Variants in MXI1 observed in about 807,000 individuals in gnomAD.
The protein encoded by MXI1 is max-interacting protein 1.
Under a neutral mutation model 36.9 loss-of-function variants are expected in MXI1, and 18 were observed. The ratio of observed to expected loss-of-function variants is 0.49; its 90% CI spans 0.34 to 0.72. The LOEUF (loss-of-function observed/expected upper bound fraction) is 0.72, where lower values mean the gene tolerates loss of function less well. Among genes scored for constraint, MXI1 ranks in the 30% least tolerant of loss-of-function variants. MXI1 has a pLI of 0.01. For synonymous variants in MXI1, 160 were observed against 146.7 expected, an observed-to-expected ratio of 1.09 and a Z score of -0.65; for missense variants, 304 against 379.1, an observed-to-expected ratio of 0.80 and a Z score of 1.64.
intron 2 of MXI1, among the ~76,000 whole-genome samples, chr10:110,233,871 T>C (rs370672854): frequency 6.6e-6 from 1 of 152,172 alleles, no homozygotes; most frequent in African/African-American, 2.4e-5. Context: ...TGAAGGAAAC[T>C]TGTATGATCA....
intron 1 of MXI1, among the ~76,000 whole-genome samples, chr10:110,215,612 CCTGGTTTA>C (rs1036539404): frequency 6.6e-5 from 10 of 152,224 alleles, no homozygotes; most frequent in Admixed American, 1.3e-4. Context: ...AATTTTCAAA[CCTGGTTTA>C]CTGATCCCAG....
chr10:110,265,164 G>C lies in MXI1; in HGVS notation c.438-14016G>C, dbSNP rs146232281. On this transcript the variant is annotated intron_variant, in intron 3 of 5. Transcript: ENST00000332674. Reference sequence around the variant, plus strand: ...ACGGAGGAGTTAGATGCTAGTACAGGCCCAACATTGGTTAGGAATAAATAA... The same window carrying C: ...ACGGAGGAGTTAGATGCTAGTACAGCCCCAACATTGGTTAGGAATAAATAA... 5.2e-3 allele frequency among the ~76,000 whole-genome samples: 798 copies of C among 152,234 alleles called. 1 individual carries two copies. Among genetic ancestry groups the C allele is most frequent in the African/African-American group, 0.017 (719 of 41,538 alleles).
At chr10:110,245,199 A>C (rs972230184) in intron 3 of MXI1, among the ~76,000 whole-genome samples, 2 of 152,162 alleles carry the variant, frequency 1.3e-5, no homozygotes, top group East Asian at 3.8e-4. Flanking sequence ...TAAGCATTAC[A>C]AATTGGAGGG....
chr10:110,258,523 T>C (rs1477580041), intron 3 of MXI1, among the ~76,000 whole-genome samples: 1 of 152,194 alleles, frequency 6.6e-6, no homozygotes, highest in African/African-American at 2.4e-5. Context: ...AACAGTATCA[T>C]TTATCAGAGA....
At chr10:110,248,644 TC>T (rs970919073) in intron 3 of MXI1, among the ~76,000 whole-genome samples, 6 of 152,118 alleles carry the variant, frequency 3.9e-5, no homozygotes, top group Non-Finnish European at 8.8e-5. Context: ...AGGCATGATT[TC>T]CTCATCATCT....
At chr10:110,211,299 C>T (rs187435117) in intron 1 of MXI1, among the ~76,000 whole-genome samples, 21 of 152,324 alleles carry the variant, frequency 1.4e-4, no homozygotes, top group Middle Eastern at 3.4e-3. Flanking sequence ...AGCCAATCGG[C>T]AGCTCCAGCC....
intron 1 of MXI1, among the ~76,000 whole-genome samples, chr10:110,208,997 C>A (rs1854437488): frequency 1.4e-5 from 2 of 140,080 alleles, no homozygotes. Flanking sequence ...CTACTCCCCC[C>A]ACCCGCCCAC....
chr10:110,236,253 T>G (rs949956278), intron 2 of MXI1, among the ~76,000 whole-genome samples: 1 of 145,130 alleles, frequency 6.9e-6, no homozygotes, highest in African/African-American at 2.5e-5. Flanking sequence ...TGAAAATCAG[T>G]TGACCACAGA....
Position 110,285,896 on chromosome 10 carries a change from CTG to C in MXI1, c.*911_*912del, listed in dbSNP as rs1205656214. The C allele has an allele frequency of 6.6e-6, 1 of 152,504 alleles. No individual in the cohort carries two copies. The highest frequency in any genetic ancestry group is 1.5e-5 in the Non-Finnish European group (1 of 68,016). 9.4% of individuals were successfully genotyped at this position (152,504 alleles called of 1,614,324 possible). On this transcript the variant is annotated 3_prime_UTR_variant, in exon 6 of 6. Coordinates refer to ENST00000332674, the MANE Select transcript of MXI1 (RefSeq NM_130439.3). ...GCATTTTTATTTCAGATTTTGATAA[CTG>C]TTTATATGTGTTGAAAACCAAAATG... is the stretch of plus-strand genomic sequence containing the variant.
chr10:110,262,889 T>G (rs904282629), intron 3 of MXI1, among the ~76,000 whole-genome samples: 10 of 152,168 alleles, frequency 6.6e-5, no homozygotes, highest in African/African-American at 2.4e-4. Context: ...GTTTCCTGAT[T>G]ATCCAAACTG....
chr10:110,233,532 T>C (rs1023367103), intron 2 of MXI1, among the ~76,000 whole-genome samples: 19 of 152,214 alleles, frequency 1.2e-4, no homozygotes, highest in African/African-American at 4.1e-4. Flanking sequence ...GTTTTTCAAA[T>C]TTTTTTATAT....
chr10:110,216,964 G>A (rs1156555882), intron 1 of MXI1, among the ~76,000 whole-genome samples: 5 of 152,078 alleles, frequency 3.3e-5, no homozygotes, highest in East Asian at 1.9e-4. Flanking sequence ...CACCGTGCCC[G>A]GCCTACAATC....
chr10:110,223,442 GT>G (rs1313054888), intron 1 of MXI1, among the ~76,000 whole-genome samples: 1 of 152,020 alleles, frequency 6.6e-6, no homozygotes, highest in Non-Finnish European at 1.5e-5. Flanking sequence ...TTAGCTGGGC[GT>G]GGTGGCAGGC....
intron 5 of MXI1, among the ~76,000 whole-genome samples, chr10:110,282,305 GT>G: frequency 6.6e-6 from 1 of 152,186 alleles, no homozygotes; most frequent in East Asian, 1.9e-4. Context: ...CTTTTAAATA[GT>G]TTTTTCATCC....
chr10:110,262,396 TACTG>T (rs2134432982), intron 3 of MXI1, among the ~76,000 whole-genome samples: 1 of 152,182 alleles, frequency 6.6e-6, no homozygotes, highest in African/African-American at 2.4e-5. Flanking sequence ...CCCCCATTGA[TACTG>T]AGGGATGATT....
chr10:110,236,641 T>C (rs1230916515), intron 2 of MXI1, among the ~76,000 whole-genome samples: 2 of 152,138 alleles, frequency 1.3e-5, no homozygotes, highest in Non-Finnish European at 2.9e-5. Flanking sequence ...TTATATTTTT[T>C]GTAGAGATAG....
chr10:110,263,655 T>C (rs1203481191), intron 3 of MXI1, among the ~76,000 whole-genome samples: 2 of 152,220 alleles, frequency 1.3e-5, no homozygotes, highest in East Asian at 3.8e-4. Flanking sequence ...GTTACCCTGT[T>C]CTGTCTAAAT....
In MXI1 at chr10:110,284,848, GCA is replaced by G; in HGVS notation, c.752_753del (p.Thr251ArgfsTer17). The G allele has an allele frequency of 6.2e-6, 10 of 1,607,922 alleles. No homozygotes were observed. Among genetic ancestry groups the G allele is most frequent in the Non-Finnish European group, 8.5e-6 (10 of 1,178,052 alleles). On this transcript the variant is annotated frameshift_variant, in exon 6 of 6. Transcript: ENST00000332674. LOFTEE classifies it high-confidence loss of function. ...GAGGAGATTGAAGTGGATGTTGAAA[GCA>G]CAGAGTTCTCCCATGGAGAAGTGGA...
At chr10:110,224,111 A>G (rs1854893459) in intron 1 of MXI1, among the ~76,000 whole-genome samples, 1 of 152,166 alleles carries the variant, frequency 6.6e-6, no homozygotes, top group Admixed American at 6.5e-5. Context: ...TAAGAGGGTA[A>G]GATTTCCATC....
Sources: gnomAD v4.1 joint callset for allele counts (sites outside exome capture counted in the v4.1 genomes callset) on GRCh38, gnomAD v4.1.1 for gene constraint, MANE v1.5 for transcripts, NCBI Gene and HGNC (gene_info 2026-07-23, HGNC 2026-07-21) for gene names.